Variants in ACSS3 observed in about 807,000 individuals in gnomAD.
ACSS3 encodes the protein acyl-CoA synthetase short chain family member 3.
A neutral mutation model predicts 84.2 loss-of-function variants in ACSS3; 64 were observed. The observed-to-expected ratio is 0.76, with a 90% CI of 0.62 to 0.94. ACSS3 has a LOEUF of 0.94. ACSS3 is among the 40% of genes least tolerant of loss of function. ACSS3 has a pLI of 0.00. For missense variants in ACSS3, 815 were observed against 867.6 expected, an observed-to-expected ratio of 0.94 and a Z score of 0.76; for synonymous variants, 317 against 310.1, an observed-to-expected ratio of 1.02 and a Z score of -0.23.
At chr12:81,213,963 CTTTCTTTCTTTCTTTCTTTCTT>C (rs1565724381) in intron 9 of ACSS3, among the ~76,000 whole-genome samples, 9,395 of 81,574 alleles carry the variant, frequency 0.12, 818 homozygotes, top group East Asian at 0.23. Context: ...CTCTCTCTTT[CTTTCTTTCTTTCTTTCTTTCTT>C]TCTTTCTTTC....
At chr12:81,226,968 C>CACAT (rs2033294323) in intron 11 of ACSS3, among the ~76,000 whole-genome samples, 4 of 129,118 alleles carry the variant, frequency 3.1e-5, no homozygotes, top group Admixed American at 2.9e-4. Context: ...AGGATTTACA[C>CACAT]ACACACACAC....
At chr12:81,088,264 G>C (rs1173164121) in intron 1 of ACSS3, among the ~76,000 whole-genome samples, 1 of 152,060 alleles carries the variant, frequency 6.6e-6, no homozygotes. Flanking sequence ...AACCCACAAT[G>C]GAGTGGCGTG....
chr12:81,183,639 A>G (rs1381227874), intron 8 of ACSS3, among the ~76,000 whole-genome samples: 1 of 152,100 alleles, frequency 6.6e-6, no homozygotes, highest in African/African-American at 2.4e-5. Context: ...ATAAGAGAGC[A>G]GGAGTGGTTA....
chr12:81,139,781 G>A (rs1260625560), intron 4 of ACSS3, among the ~76,000 whole-genome samples: 5 of 151,626 alleles, frequency 3.3e-5, no homozygotes, highest in Admixed American at 2.6e-4. Flanking sequence ...GACTACAGGT[G>A]CCTGCCACCA....
At chr12:81,248,489 G>T (rs1677121480) in intron 13 of ACSS3, among the ~76,000 whole-genome samples, 1 of 151,936 alleles carries the variant, frequency 6.6e-6, no homozygotes, top group Non-Finnish European at 1.5e-5. Context: ...TCATATATGG[G>T]ATCTGGGATA....
intron 9 of ACSS3, 142 bp from the exon 10 acceptor site, chr12:81,216,759 A>G: frequency 2.2e-6 from 1 of 459,994 alleles, no homozygotes; most frequent in Non-Finnish European, 3.9e-6. Flanking sequence ...AAATTTTTAA[A>G]TAATATATTT....
intron 12 of ACSS3, among the ~76,000 whole-genome samples, chr12:81,231,739 T>G (rs1363605840): frequency 2.0e-5 from 3 of 151,882 alleles, no homozygotes; most frequent in Non-Finnish European, 4.4e-5. Context: ...TGTTTCACAT[T>G]CTGTCATTGT....
chr12:81,080,526 CTATT>C (rs1204975394), intron 1 of ACSS3, among the ~76,000 whole-genome samples: 16 of 151,940 alleles, frequency 1.1e-4, no homozygotes, highest in African/African-American at 3.6e-4. Context: ...AACTTTGACT[CTATT>C]TATTTCAGCA....
intron 1 of ACSS3, among the ~76,000 whole-genome samples, chr12:81,098,509 C>A (rs115013681): frequency 2.2e-4 from 33 of 152,186 alleles, no homozygotes; most frequent in African/African-American, 7.0e-4. Context: ...TTAAAGTCTC[C>A]ATTTCCAAAA....
intron 9 of ACSS3, among the ~76,000 whole-genome samples, chr12:81,204,668 A>C (rs2032268136): frequency 6.6e-6 from 1 of 152,120 alleles, no homozygotes; most frequent in African/African-American, 2.4e-5. Context: ...GGTTTAATTC[A>C]ACAAAATTCA....
rs910343659 is a variant in ACSS3 at position 81,151,785 on chromosome 12, G to T, written c.922-59G>T. 5 of 1,461,708 alleles carry T rather than the reference G, an allele frequency of 3.4e-6. No homozygotes were observed. The Admixed American group carries it at 7.2e-5, about 21-fold the overall frequency. The allele number at this position is 1,461,708 out of a possible 1,614,324, so 90.5% of individuals were successfully genotyped here. ...GAACTTTTAAAGTGGATGCTATGAA[G>T]ATAGAGAGTGTTTTTACACATTGTT... On this transcript the variant is annotated intron_variant, in intron 5 of 15. Coordinates refer to ENST00000548058, the MANE Select transcript of ACSS3 (RefSeq NM_024560.4).
intron 11 of ACSS3, among the ~76,000 whole-genome samples, chr12:81,226,733 A>G (rs1049734342): frequency 5.9e-5 from 9 of 151,800 alleles, no homozygotes; most frequent in Admixed American, 4.6e-4. Context: ...TTCTATAGAA[A>G]CTTTCAAAGA....
intron 4 of ACSS3, among the ~76,000 whole-genome samples, chr12:81,139,638 T>TAATA (rs67965699): frequency 3.8e-3 from 453 of 118,444 alleles, no homozygotes; most frequent in Non-Finnish European, 6.1e-3. Flanking sequence ...TAATAATAAT[T>TAATA]ATTGTTATTT....
chr12:81,227,707 A>G (rs548495978), intron 11 of ACSS3, among the ~76,000 whole-genome samples: 3 of 151,784 alleles, frequency 2.0e-5, no homozygotes, highest in Non-Finnish European at 4.4e-5. Context: ...TGCATGTCAA[A>G]TTCTTTGAGC....
At chr12:81,253,431 T>C in intron 14 of ACSS3, 25 bp downstream of exon 14, 2 of 1,613,578 alleles carry the variant, frequency 1.2e-6, no homozygotes, top group African/African-American at 2.7e-5. Flanking sequence ...TCTCCCTGAT[T>C]GCTTGGGACC....
chr12:81,150,463 G>T (rs911962846), intron 5 of ACSS3, among the ~76,000 whole-genome samples: 3 of 152,316 alleles, frequency 2.0e-5, no homozygotes, highest in African/African-American at 7.2e-5. Flanking sequence ...GTGCATGGAC[G>T]ATAGGATAGG....
intron 8 of ACSS3, among the ~76,000 whole-genome samples, chr12:81,178,222 C>T (rs1451235322): frequency 1.3e-5 from 2 of 149,838 alleles, no homozygotes; most frequent in Admixed American, 6.7e-5. Flanking sequence ...GGACAAAAAA[C>T]CAAACACCGC....
At chr12:81,202,135 C>T (rs186967348) in intron 9 of ACSS3, among the ~76,000 whole-genome samples, 12 of 151,790 alleles carry the variant, frequency 7.9e-5, no homozygotes, top group Admixed American at 5.3e-4. Flanking sequence ...ACAAATTAGC[C>T]GGGTGTGGTA....
intron 3 of ACSS3, among the ~76,000 whole-genome samples, chr12:81,138,386 A>C (rs1245359615): frequency 6.6e-6 from 1 of 152,220 alleles, no homozygotes; most frequent in East Asian, 1.9e-4. Context: ...ATTTATGAAC[A>C]CTGACTATAG....
Sources: allele counts gnomAD v4.1 joint callset (sites outside exome capture counted in the v4.1 genomes callset), GRCh38; gene constraint gnomAD v4.1.1; transcripts MANE v1.5; gene names NCBI Gene and HGNC (gene_info 2026-07-23, HGNC 2026-07-21).